The following UNC13C variants were observed in gnomAD, a reference collection of about 807,000 sequenced individuals.
The protein encoded by UNC13C is protein unc-13 homolog C.
Under a neutral mutation model 245.4 loss-of-function variants are expected in UNC13C, and 174 were observed. The observed-to-expected ratio is 0.71, with a 90% CI of 0.63 to 0.80. UNC13C has a LOEUF of 0.80. UNC13C is among the 30% of genes least tolerant of loss of function. The pLI is 0.00. For synonymous variants in UNC13C, 992 were observed against 895.1 expected (o/e 1.11, Z -1.93); for missense variants, 2,829 against 2,602.9 (o/e 1.09, Z -1.89).
chr15:54,338,179 C>T (rs978019626), intron 16 of UNC13C, among the ~76,000 whole-genome samples, 182 bp from the exon 17 acceptor site: 15 of 152,118 alleles, frequency 9.9e-5, no homozygotes, highest in Non-Finnish European at 1.9e-4. Flanking sequence ...TTATCATTTT[C>T]AATAAGTTTT....
At chr15:54,135,470 A>C (rs8033261) in intron 2 of UNC13C, among the ~76,000 whole-genome samples, 3,635 of 152,284 alleles carry the variant, frequency 0.024, 143 homozygotes, top group African/African-American at 0.083. Flanking sequence ...TTCCAAGTTA[A>C]TTTTTATGTG....
At chr15:54,054,348 T>C (rs1214215368) in intron 2 of UNC13C, among the ~76,000 whole-genome samples, 1 of 152,162 alleles carries the variant, frequency 6.6e-6, no homozygotes, top group Admixed American at 6.5e-5. Context: ...GACTGTAAGC[T>C]CATTGGAGGT....
chr15:53,971,020 T>C, the UNC13C span, among the ~76,000 whole-genome samples: 1 of 152,310 alleles, frequency 6.6e-6, no homozygotes, highest in African/African-American at 2.4e-5. Flanking sequence ...CCAATACTTA[T>C]TTTCTCTTTG....
chr15:53,920,461 G>A, the UNC13C span, among the ~76,000 whole-genome samples: 1 of 152,104 alleles, frequency 6.6e-6, no homozygotes. Flanking sequence ...GGCTGAGGCA[G>A]GAAAACTGCT....
intron 30 of UNC13C, among the ~76,000 whole-genome samples, chr15:54,602,134 A>G (rs764011293): frequency 1.3e-5 from 2 of 152,330 alleles, no homozygotes; most frequent in Non-Finnish European, 2.9e-5. Flanking sequence ...GAGCTCCTGA[A>G]GGGCCTCTGA....
At position 54,311,539 on chromosome 15, in the gene UNC13C, A is replaced by T. The variant is rs982217686; in HGVS notation, c.4269-10400A>T. On this transcript the variant is annotated intron_variant, in intron 13 of 32. Coordinates refer to ENST00000260323, the MANE Select transcript of UNC13C (RefSeq NM_001080534.3). ...TTAAGTGAAATGCTTGGTTTTTCTT[A>T]TTAGCCTTTTTTGATTTTCACATAT... 2.0e-5 allele frequency among the ~76,000 whole-genome samples: 3 copies of T among 151,696 alleles called. No individual in the cohort carries two copies. In the East Asian group the frequency reaches 5.8e-4, roughly 29 times the overall value.
At chr15:53,898,283 C>A in the UNC13C span, among the ~76,000 whole-genome samples, 1 of 152,050 alleles carries the variant, frequency 6.6e-6, no homozygotes, top group Non-Finnish European at 1.5e-5. Context: ...ACCAGTCATG[C>A]TTATCTTTTA....
At chr15:54,211,308 G>C (rs1001819182) in intron 4 of UNC13C, among the ~76,000 whole-genome samples, 1 of 152,076 alleles carries the variant, frequency 6.6e-6, no homozygotes, top group African/African-American at 2.4e-5. Context: ...GGCAATCAAA[G>C]ATAGAGATAA....
intron 2 of UNC13C, among the ~76,000 whole-genome samples, chr15:54,065,180 G>A (rs1245214476): frequency 2.0e-5 from 3 of 152,148 alleles, no homozygotes; most frequent in Non-Finnish European, 2.9e-5. Context: ...ATAAACACCA[G>A]GTAAAGTCAG....
At chr15:53,975,150 G>A (rs1162840982), upstream of UNC13C, among the ~76,000 whole-genome samples, 2 of 152,164 alleles carry the variant, frequency 1.3e-5, no homozygotes, top group African/African-American at 4.8e-5. Flanking sequence ...CTACTCAAAA[G>A]TGCCATTTTA....
At chr15:54,208,936 C>T (rs556419290) in intron 4 of UNC13C, among the ~76,000 whole-genome samples, 7 of 152,226 alleles carry the variant, frequency 4.6e-5, no homozygotes, top group Admixed American at 2.6e-4. Flanking sequence ...CTCTGTGTGA[C>T]GCAAGTCTCC....
intron 17 of UNC13C, among the ~76,000 whole-genome samples, chr15:54,389,282 T>A (rs1193122147): frequency 6.6e-6 from 1 of 152,290 alleles, no homozygotes; most frequent in East Asian, 1.9e-4. Context: ...CTTAGAGAAG[T>A]GGTTCTCAAA....
At chr15:54,366,088 A>G (rs991767764) in intron 17 of UNC13C, among the ~76,000 whole-genome samples, 1 of 152,138 alleles carries the variant, frequency 6.6e-6, no homozygotes. Context: ...TTTATGTCCT[A>G]TTTTTATTAA....
chr15:54,048,813 A>G (rs1055091800), intron 2 of UNC13C: 2 of 242,738 alleles, frequency 8.2e-6, no homozygotes, highest in Admixed American at 1.1e-4. Context: ...CTGATTTCCA[A>G]CAAAACTCAC....
intron 2 of UNC13C, among the ~76,000 whole-genome samples, chr15:54,071,905 G>A (rs1010704031): frequency 2.0e-5 from 3 of 152,044 alleles, no homozygotes; most frequent in South Asian, 2.1e-4. Flanking sequence ...TGCTGGTCAC[G>A]ATGTCTCTTG....
chr15:53,972,179 G>GTA, the UNC13C span, among the ~76,000 whole-genome samples: 16 of 152,188 alleles, frequency 1.1e-4, no homozygotes, highest in African/African-American at 3.9e-4. Flanking sequence ...GACAGTGAAG[G>GTA]GTTCTGAAGA....
At chr15:54,149,079 T>G (rs1181031595) in intron 4 of UNC13C, among the ~76,000 whole-genome samples, 4 of 152,134 alleles carry the variant, frequency 2.6e-5, no homozygotes, top group Admixed American at 2.6e-4. Context: ...TCCGAGGCTT[T>G]AAAAGTGTTT....
chr15:54,079,493 A>G (rs7173926), intron 2 of UNC13C, among the ~76,000 whole-genome samples: 29,756 of 151,728 alleles, frequency 0.2, 3,053 homozygotes, highest in Admixed American at 0.29. Flanking sequence ...TTCTTTCATC[A>G]TTGTTTTATG....
At chr15:54,083,808 G>A (rs1899086934) in intron 2 of UNC13C, among the ~76,000 whole-genome samples, 1 of 152,160 alleles carries the variant, frequency 6.6e-6, no homozygotes, top group African/African-American at 2.4e-5. Context: ...ATGTTTGCTG[G>A]GGATCTGCTG....
Sources: gnomAD v4.1 joint callset for allele counts (sites outside exome capture counted in the v4.1 genomes callset) on GRCh38, gnomAD v4.1.1 for gene constraint, MANE v1.5 for transcripts, NCBI Gene and HGNC (gene_info 2026-07-23, HGNC 2026-07-21) for gene names.